GPC5: variants seen among roughly 807,000 people sequenced by gnomAD.
GPC5 encodes the protein glypican-5.
In GPC5, 47 loss-of-function variants were observed where a neutral mutation model predicts 53.9. That is an observed-to-expected ratio of 0.87 (90% confidence interval 0.69 to 1.11). The LOEUF (loss-of-function observed/expected upper bound fraction) is 1.11. Among genes scored for constraint, GPC5 ranks in the 50% most tolerant of loss-of-function variants. The pLI is 0.00. For missense variants in GPC5, 748 were observed against 713.1 expected, an observed-to-expected ratio of 1.05 and a Z score of -0.56; for synonymous variants, 286 against 263.3, an observed-to-expected ratio of 1.09 and a Z score of -0.84.
At chr13:91,732,181 C>T (rs1250795222) in intron 4 of GPC5, among the ~76,000 whole-genome samples, 5 of 152,200 alleles carry the variant, frequency 3.3e-5, no homozygotes, top group African/African-American at 1.2e-4. Context: ...TTCTCCACAG[C>T]CTCTCCAGCA....
chr13:92,041,965 C>T (rs2040945003), intron 6 of GPC5, among the ~76,000 whole-genome samples: 1 of 152,136 alleles, frequency 6.6e-6, no homozygotes, highest in Non-Finnish European at 1.5e-5. Flanking sequence ...AGGTTTTCCT[C>T]CTCCCTCTGA....
intron 7 of GPC5, among the ~76,000 whole-genome samples, chr13:92,539,611 C>T (rs937148777): frequency 6.6e-6 from 1 of 151,852 alleles, no homozygotes; most frequent in Non-Finnish European, 1.5e-5. Context: ...TTCTCCCATT[C>T]TGTAGGTTGC....
chr13:91,749,733 T>A (rs1358099900), intron 4 of GPC5, among the ~76,000 whole-genome samples: 2 of 152,258 alleles, frequency 1.3e-5, no homozygotes, highest in African/African-American at 4.8e-5. Flanking sequence ...TTTCTCCACA[T>A]CTTTGCCTGC....
chr13:91,631,513 C>A (rs1275968705), intron 2 of GPC5, among the ~76,000 whole-genome samples: 1 of 152,068 alleles, frequency 6.6e-6, no homozygotes, highest in Non-Finnish European at 1.5e-5. Context: ...GTGTTTTAGA[C>A]CTCAAAACAA....
chr13:92,100,438 G>A lies in GPC5; in HGVS notation c.1402-44392G>A, dbSNP rs557867340. Among the ~76,000 whole-genome samples the A allele has an allele frequency of 3.3e-5, 5 of 152,196 alleles. No individual in the cohort carries two copies. The East Asian group carries it at 9.7e-4, about 29-fold the overall frequency. On this transcript the variant is annotated intron_variant, in intron 6 of 7. Transcript: ENST00000377067. Reference sequence around the variant, plus strand: ...AAAAGTTAAATTTAGATGAAATAAGGTCAAAAGAATAGTTAAATATTGCAC... The same window carrying A: ...AAAAGTTAAATTTAGATGAAATAAGATCAAAAGAATAGTTAAATATTGCAC...
intron 7 of GPC5, among the ~76,000 whole-genome samples, chr13:92,800,255 G>A (rs1170554354): frequency 6.6e-6 from 1 of 151,740 alleles, no homozygotes; most frequent in South Asian, 2.1e-4. Context: ...TTAATAAACT[G>A]CCTTCTGAGA....
intron 7 of GPC5, among the ~76,000 whole-genome samples, chr13:92,257,718 T>C (rs948000352): frequency 6.6e-6 from 1 of 151,482 alleles, no homozygotes. Context: ...ACCCGGCTCA[T>C]TTTTTGTATT....
intron 2 of GPC5, among the ~76,000 whole-genome samples, chr13:91,668,685 A>G (rs12875267): frequency 6.6e-6 from 1 of 152,204 alleles, no homozygotes; most frequent in Admixed American, 6.5e-5. Flanking sequence ...TCTCTTGTCA[A>G]ATATAAAAAT....
At chr13:92,844,605 C>T (rs1309545927) in intron 7 of GPC5, among the ~76,000 whole-genome samples, 2 of 151,956 alleles carry the variant, frequency 1.3e-5, no homozygotes, top group African/African-American at 2.4e-5. Context: ...CTTATGTTCT[C>T]TTCACCCTGT....
At chr13:92,045,522 C>T (rs1207280057) in intron 6 of GPC5, among the ~76,000 whole-genome samples, 2 of 152,110 alleles carry the variant, frequency 1.3e-5, no homozygotes, top group East Asian at 3.9e-4. Context: ...ACACTGTCAT[C>T]ACCACCACCC....
At chr13:92,839,863 T>C (rs145689103) in intron 7 of GPC5, among the ~76,000 whole-genome samples, 1 of 151,992 alleles carries the variant, frequency 6.6e-6, no homozygotes, top group Non-Finnish European at 1.5e-5. Flanking sequence ...TTATCAGTAA[T>C]TTTCCTCTAC....
At chr13:92,366,091 G>T (rs1026795326) in intron 7 of GPC5, among the ~76,000 whole-genome samples, 3 of 151,572 alleles carry the variant, frequency 2.0e-5, no homozygotes, top group African/African-American at 7.3e-5. Context: ...CATGAGTAAT[G>T]CATCCTGCTA....
At chr13:92,030,374 G>A (rs61966419) in intron 6 of GPC5, among the ~76,000 whole-genome samples, 3 of 151,992 alleles carry the variant, frequency 2.0e-5, no homozygotes, top group African/African-American at 7.2e-5. Context: ...TCTTTCTGTT[G>A]CATTCGTTGA....
At chr13:92,476,630 A>T (rs1443438280) in intron 7 of GPC5, among the ~76,000 whole-genome samples, 7 of 149,170 alleles carry the variant, frequency 4.7e-5, no homozygotes, top group Middle Eastern at 3.2e-3. Flanking sequence ...AATAGCAAAG[A>T]CTTGGAACCA....
At chr13:92,846,365 A>G (rs371183551) in intron 7 of GPC5, among the ~76,000 whole-genome samples, 13 of 152,208 alleles carry the variant, frequency 8.5e-5, no homozygotes, top group African/African-American at 3.1e-4. Context: ...GCCAAACTAT[A>G]TAATCATATT....
intron 7 of GPC5, among the ~76,000 whole-genome samples, chr13:92,811,274 A>G (rs879112460): frequency 6.6e-6 from 1 of 151,910 alleles, no homozygotes; most frequent in Admixed American, 6.6e-5. Flanking sequence ...TAGTAATTCC[A>G]TCATCAGCCT....
chr13:91,584,078 G>A (rs2032470829), intron 2 of GPC5, among the ~76,000 whole-genome samples: 1 of 152,124 alleles, frequency 6.6e-6, no homozygotes, highest in African/African-American at 2.4e-5. Context: ...TGGGACACAT[G>A]CACAGAGGGA....
intron 7 of GPC5, among the ~76,000 whole-genome samples, chr13:92,573,744 G>A (rs114978184): frequency 0.01 from 1,523 of 152,140 alleles, 24 homozygotes; most frequent in African/African-American, 0.035. Flanking sequence ...GTGCTCCCTT[G>A]GCAACCTTGC....
intron 6 of GPC5, among the ~76,000 whole-genome samples, chr13:92,118,671 C>T (rs1287543109): frequency 1.3e-5 from 2 of 152,200 alleles, no homozygotes; most frequent in African/African-American, 2.4e-5. Flanking sequence ...AAACCCACCC[C>T]TGTTACAGAT....
Sources: allele counts gnomAD v4.1 joint callset (sites outside exome capture counted in the v4.1 genomes callset), GRCh38; gene constraint gnomAD v4.1.1; transcripts MANE v1.5; gene names NCBI Gene and HGNC (gene_info 2026-07-23, HGNC 2026-07-21).